Variants in SH3RF3 observed in about 807,000 individuals in gnomAD.
The protein encoded by SH3RF3 is SH3 domain containing ring finger 3, also known as E3 ubiquitin-protein ligase SH3RF3.
In SH3RF3, 29 loss-of-function variants were observed where a neutral mutation model predicts 66.3. The observed-to-expected ratio is 0.44, with a 90% CI of 0.33 to 0.60. The LOEUF is 0.60. Among genes scored for constraint, SH3RF3 ranks in the 20% least tolerant of loss-of-function variants. The probability of loss-of-function intolerance (pLI) is 0.04; values close to 1 mark genes in which losing one functional copy is unlikely to be tolerated. For missense variants in SH3RF3, 1,194 were observed against 1,190.9 expected, an observed-to-expected ratio of 1.00 and a Z score of -0.04; for synonymous variants, 583 against 532.0, an observed-to-expected ratio of 1.10 and a Z score of -1.32.
chr2:109,263,565 G>C (rs887854991), intron 1 of SH3RF3, among the ~76,000 whole-genome samples: 2 of 152,210 alleles, frequency 1.3e-5, no homozygotes, highest in Non-Finnish European at 2.9e-5. Flanking sequence ...GCCAGGTAGA[G>C]AATTTGCTTT....
intron 1 of SH3RF3, among the ~76,000 whole-genome samples, chr2:109,281,061 T>C (rs907932671): frequency 6.6e-6 from 1 of 152,190 alleles, no homozygotes; most frequent in Non-Finnish European, 1.5e-5. Flanking sequence ...TTGTATGCCA[T>C]GACAGGGCCA....
intron 1 of SH3RF3, among the ~76,000 whole-genome samples, chr2:109,284,776 T>G (rs1680987214): frequency 6.6e-6 from 1 of 151,750 alleles, no homozygotes. Flanking sequence ...GTGTGTGGAG[T>G]GTGTGTGCTT....
intron 1 of SH3RF3, among the ~76,000 whole-genome samples, chr2:109,234,778 C>T (rs1679604514): frequency 6.6e-6 from 1 of 152,188 alleles, no homozygotes; most frequent in Non-Finnish European, 1.5e-5. Context: ...AAACAAATTA[C>T]ATCTTCACAC....
intron 8 of SH3RF3, among the ~76,000 whole-genome samples, chr2:109,480,296 C>T (rs114613619): frequency 0.03 from 4,626 of 152,258 alleles, 101 homozygotes; most frequent in African/African-American, 0.053. Context: ...ATGTTTGATC[C>T]CCACAGCCAC....
intron 1 of SH3RF3, among the ~76,000 whole-genome samples, chr2:109,316,896 T>C (rs66995221): frequency 0.3 from 46,347 of 152,108 alleles, 8,591 homozygotes; most frequent in African/African-American, 0.52. Flanking sequence ...GTTGGAAGTA[T>C]ACAGTGCGTA....
In SH3RF3 at chr2:109,170,754, G is replaced by C. The variant is rs148858615; in HGVS notation, c.573+40641G>C. On this transcript the variant is annotated intron_variant, in intron 1 of 9. Coordinates refer to ENST00000309415, the MANE Select transcript of SH3RF3 (RefSeq NM_001099289.3). The stretch of plus-strand genomic sequence containing the variant: ...CATTGACCATGTGCCAGGCACTGGG[G>C]CTCAAGGGGTGCGGATGACCCATCT... 2.0e-5 allele frequency among the ~76,000 whole-genome samples: 3 copies of C among 152,326 alleles called. No homozygotes were observed. In the East Asian group the frequency reaches 5.8e-4, roughly 29 times the overall value.
At chr2:109,244,366 T>G (rs1679860719) in intron 1 of SH3RF3, among the ~76,000 whole-genome samples, 1 of 152,162 alleles carries the variant, frequency 6.6e-6, no homozygotes, top group Non-Finnish European at 1.5e-5. Context: ...TCCTAATATA[T>G]AAACCTCAGG....
At chr2:109,314,012 G>T (rs1008747166) in intron 1 of SH3RF3, among the ~76,000 whole-genome samples, 6 of 152,208 alleles carry the variant, frequency 3.9e-5, no homozygotes, top group Non-Finnish European at 7.3e-5. Context: ...AGGAGTACCA[G>T]GCTGTGGGAC....
At chr2:109,378,158 C>T (rs1233194274) in intron 3 of SH3RF3, among the ~76,000 whole-genome samples, 3 of 152,230 alleles carry the variant, frequency 2.0e-5, no homozygotes, top group Non-Finnish European at 4.4e-5. Flanking sequence ...TGAGGCTCCT[C>T]TCTCCTCCGC....
At chr2:109,467,561 CTGCTGCAGGGGG>C (rs1367762152) in intron 8 of SH3RF3, among the ~76,000 whole-genome samples, 2 of 152,140 alleles carry the variant, frequency 1.3e-5, no homozygotes, top group African/African-American at 4.8e-5. Context: ...GATGGTGGGG[CTGCTGCAGGGGG>C]ATCTGCTAAG....
At chr2:109,176,379 C>T (rs992678233) in intron 1 of SH3RF3, among the ~76,000 whole-genome samples, 2 of 151,692 alleles carry the variant, frequency 1.3e-5, no homozygotes, top group African/African-American at 4.9e-5. Flanking sequence ...GAGAGAACAC[C>T]ATGTGCAATG....
intron 8 of SH3RF3, 138 bp downstream of exon 8, chr2:109,449,627 CGT>C: frequency 8.5e-7 from 1 of 1,169,962 alleles, no homozygotes; most frequent in Non-Finnish European, 1.2e-6. Flanking sequence ...ATGAACCAGG[CGT>C]GTGACAGAGA....
chr2:109,218,561 G>T (rs1168504933), intron 1 of SH3RF3, among the ~76,000 whole-genome samples: 1 of 152,108 alleles, frequency 6.6e-6, no homozygotes, highest in Non-Finnish European at 1.5e-5. Flanking sequence ...TCAAACAATA[G>T]ACCTTTTCAT....
intron 1 of SH3RF3, among the ~76,000 whole-genome samples, chr2:109,297,427 G>A (rs932915222): frequency 6.6e-6 from 1 of 152,122 alleles, no homozygotes; most frequent in Non-Finnish European, 1.5e-5. Context: ...AGAGGCCTGT[G>A]TACCCACCCT....
intron 7 of SH3RF3, among the ~76,000 whole-genome samples, chr2:109,443,691 A>C (rs1359079511): frequency 6.6e-6 from 1 of 152,346 alleles, no homozygotes; most frequent in African/African-American, 2.4e-5. Flanking sequence ...CAGTTCATTT[A>C]GAGGACATAA....
At chr2:109,293,690 T>C (rs1483565498) in intron 1 of SH3RF3, among the ~76,000 whole-genome samples, 1 of 152,216 alleles carries the variant, frequency 6.6e-6, no homozygotes, top group African/African-American at 2.4e-5. Context: ...GGAAAGTGAG[T>C]GTCCTGTCCT....
At chr2:109,351,323 G>T (rs1682832697) in intron 2 of SH3RF3, among the ~76,000 whole-genome samples, 1 of 152,164 alleles carries the variant, frequency 6.6e-6, no homozygotes. Context: ...AACCTTTCTG[G>T]GCCAGGAGCA....
At chr2:109,211,988 T>C (rs182298763) in intron 1 of SH3RF3, among the ~76,000 whole-genome samples, 1 of 152,346 alleles carries the variant, frequency 6.6e-6, no homozygotes, top group Admixed American at 6.5e-5. Context: ...TGAATGTGAA[T>C]GCCACTGAAT....
At chr2:109,488,344 C>G (rs1383345812) in intron 8 of SH3RF3, among the ~76,000 whole-genome samples, 1 of 152,214 alleles carries the variant, frequency 6.6e-6, no homozygotes. Context: ...CAGACATTGC[C>G]ACCTGTCCCC....
Sources: allele counts gnomAD v4.1 joint callset (sites outside exome capture counted in the v4.1 genomes callset), GRCh38; gene constraint gnomAD v4.1.1; transcripts MANE v1.5; gene names NCBI Gene and HGNC (gene_info 2026-07-23, HGNC 2026-07-21).